Variants in RAD51B observed in about 807,000 individuals in gnomAD.
The protein encoded by RAD51B is RAD51 paralog B, also known as DNA repair protein RAD51 homolog 2.
RAD51B carries 38 observed loss-of-function variants against 42.2 expected under a neutral mutation model. The observed-to-expected ratio is 0.90, with a 90% CI of 0.70 to 1.18. The LOEUF is 1.18. RAD51B is among the 50% of genes most tolerant of loss of function. The pLI, the probability that RAD51B is intolerant of heterozygous loss-of-function variation, is 0.00. For missense variants in RAD51B, 373 were observed against 400.7 expected (o/e 0.93, Z 0.59); for synonymous variants, 154 against 145.2 (o/e 1.06, Z -0.43).
intron 7 of RAD51B, among the ~76,000 whole-genome samples, chr14:68,261,434 A>G (rs2080887430): frequency 6.6e-6 from 1 of 152,238 alleles, no homozygotes; most frequent in South Asian, 2.1e-4. Flanking sequence ...GTTGAGGTGA[A>G]AGATACAGAA....
Position 68,583,875 on chromosome 14 carries a change from C to T in RAD51B, c.1037-10610C>T, listed in dbSNP as rs114812167. Among the ~76,000 whole-genome samples, 517 of 152,308 alleles carry T rather than the reference C, an allele frequency of 3.4e-3. 3 individuals are homozygous for T. Among genetic ancestry groups the T allele is most frequent in the African/African-American group, 0.012 (499 of 41,542 alleles). ...GCAGGGCATATGTGGGTCCTTGGGG[C>T]CATATTCCTTTAACCTGTGGACACT... On this transcript the variant is annotated intron_variant, in intron 10 of 10. Coordinates refer to the RAD51B transcript ENST00000487270.
intron 7 of RAD51B, among the ~76,000 whole-genome samples, chr14:68,008,405 A>G (rs1040456013): frequency 2.6e-5 from 4 of 151,962 alleles, no homozygotes; most frequent in African/African-American, 9.7e-5. Context: ...CACCCACACA[A>G]AAACCTCCAC....
At chr14:68,256,424 C>T (rs915326886) in intron 7 of RAD51B, among the ~76,000 whole-genome samples, 8 of 152,168 alleles carry the variant, frequency 5.3e-5, no homozygotes, top group Non-Finnish European at 1.2e-4. Flanking sequence ...AATTTGATGA[C>T]GATGACTCTG....
chr14:67,824,961 C>T (rs757491745), intron 2 of RAD51B, among the ~76,000 whole-genome samples: 1 of 151,272 alleles, frequency 6.6e-6, no homozygotes, highest in East Asian at 1.9e-4. Flanking sequence ...GCCTGTAGTC[C>T]CAGCTACTCA....
At chr14:68,674,066 A>G (rs993838925) in intron 11 of RAD51B, among the ~76,000 whole-genome samples, 3 of 152,152 alleles carry the variant, frequency 2.0e-5, no homozygotes, top group South Asian at 2.1e-4. Context: ...ACATATACAC[A>G]TAAACACACA....
chr14:67,880,103 TA>T (rs988535490), intron 5 of RAD51B, among the ~76,000 whole-genome samples: 4 of 152,204 alleles, frequency 2.6e-5, no homozygotes, highest in African/African-American at 9.6e-5. Context: ...TTACTCAATA[TA>T]AAAAAATTTC....
At chr14:67,854,648 G>A (rs993968834) in intron 4 of RAD51B, among the ~76,000 whole-genome samples, 100 of 146,310 alleles carry the variant, frequency 6.8e-4, no homozygotes, top group African/African-American at 2.4e-3. Flanking sequence ...AAAAAAAAAA[G>A]TATTCAGAGA....
At chr14:68,518,816 T>C (rs1886361563) in intron 10 of RAD51B, among the ~76,000 whole-genome samples, 1 of 152,198 alleles carries the variant, frequency 6.6e-6, no homozygotes, top group Non-Finnish European at 1.5e-5. Flanking sequence ...CTTTGTTCTC[T>C]GGCTTGGAAC....
intron 10 of RAD51B, among the ~76,000 whole-genome samples, chr14:68,498,162 TCA>T (rs1190099694): frequency 1.3e-5 from 2 of 152,130 alleles, no homozygotes; most frequent in African/African-American, 2.4e-5. Flanking sequence ...TTTTTGGGAG[TCA>T]CATTTTAAAG....
chr14:68,573,976 GTGTA>G (rs931198608), intron 10 of RAD51B, among the ~76,000 whole-genome samples: 16 of 54,374 alleles, frequency 2.9e-4, no homozygotes, highest in African/African-American at 8.7e-4. Flanking sequence ...GTGTCAGTGT[GTGTA>G]TGTGTGTGTG....
chr14:68,483,613 A>C (rs1300061762), intron 10 of RAD51B, among the ~76,000 whole-genome samples: 1 of 152,198 alleles, frequency 6.6e-6, no homozygotes, highest in East Asian at 1.9e-4. Flanking sequence ...TTCCATTTCC[A>C]TTCTGCCGCT....
chr14:68,416,134 G>A (rs1315566839), intron 9 of RAD51B, among the ~76,000 whole-genome samples: 1 of 152,162 alleles, frequency 6.6e-6, no homozygotes, highest in Non-Finnish European at 1.5e-5. Context: ...ACTTGAATCT[G>A]TAGGCTTTTC....
At chr14:68,656,349 T>C (rs927915901) in intron 11 of RAD51B, among the ~76,000 whole-genome samples, 2 of 151,922 alleles carry the variant, frequency 1.3e-5, no homozygotes. Context: ...GCTGAGAAAC[T>C]CAAGTAAGAT....
chr14:67,948,656 G>T (rs2074380399), intron 7 of RAD51B, among the ~76,000 whole-genome samples: 1 of 151,974 alleles, frequency 6.6e-6, no homozygotes, highest in Non-Finnish European at 1.5e-5. Flanking sequence ...TATAGGCCGG[G>T]CACGGTGGCT....
chr14:68,444,440 T>TTTTGTGTGTG (rs112036154), intron 9 of RAD51B, among the ~76,000 whole-genome samples: 6 of 150,168 alleles, frequency 4.0e-5, no homozygotes, highest in Non-Finnish European at 7.4e-5. Context: ...GAATTGTGAA[T>TTTTGTGTGTG]TGTGTGTGTG....
At chr14:68,153,064 C>T (rs2078423909) in intron 7 of RAD51B, among the ~76,000 whole-genome samples, 1 of 152,098 alleles carries the variant, frequency 6.6e-6, no homozygotes, top group Non-Finnish European at 1.5e-5. Context: ...AATGAACATA[C>T]ATGTGCTATG....
At chr14:67,986,594 C>A (rs1213838384) in intron 7 of RAD51B, among the ~76,000 whole-genome samples, 6 of 152,124 alleles carry the variant, frequency 3.9e-5, no homozygotes, top group Non-Finnish European at 8.8e-5. Flanking sequence ...CACGAAAGAT[C>A]TTTGTCTTTT....
At chr14:67,856,086 A>G (rs2041990051) in intron 4 of RAD51B, among the ~76,000 whole-genome samples, 1 of 152,208 alleles carries the variant, frequency 6.6e-6, no homozygotes, top group Non-Finnish European at 1.5e-5. Context: ...ATGAATGATT[A>G]TATCCCTTAA....
At chr14:68,676,484 A>C (rs903389398) in intron 11 of RAD51B, among the ~76,000 whole-genome samples, 1 of 152,246 alleles carries the variant, frequency 6.6e-6, no homozygotes, top group Non-Finnish European at 1.5e-5. Flanking sequence ...CAGGGAGTTT[A>C]GAGTGTCTGT....
Sources: allele counts gnomAD v4.1 joint callset (sites outside exome capture counted in the v4.1 genomes callset), GRCh38; gene constraint gnomAD v4.1.1; transcripts MANE v1.5; gene names NCBI Gene and HGNC (gene_info 2026-07-23, HGNC 2026-07-21).